The following MOK variants were observed in gnomAD, a reference collection of about 807,000 sequenced individuals.
MOK encodes MAPK/MAK/MRK overlapping kinase.
MOK carries 59 observed loss-of-function variants against 54.2 expected under a neutral mutation model. The ratio of observed to expected loss-of-function variants is 1.09; its 90% CI spans 0.88 to 1.35. The LOEUF is 1.35. MOK is among the 40% of genes most tolerant of loss of function. The probability of loss-of-function intolerance (pLI) is 0.00; values close to 1 mark genes in which losing one functional copy is unlikely to be tolerated. For missense variants in MOK, 517 were observed against 526.2 expected (o/e 0.98, Z 0.17); for synonymous variants, 210 against 202.7 (o/e 1.04, Z -0.31).
the MOK span, among the ~76,000 whole-genome samples, chr14:102,216,885 A>G: frequency 2.6e-5 from 4 of 152,190 alleles, no homozygotes; most frequent in South Asian, 8.3e-4. Flanking sequence ...ATGAGTCGAG[A>G]TGGCGCCACT....
intron 2 of MOK, among the ~76,000 whole-genome samples, chr14:102,266,148 G>A (rs2067886414): frequency 6.6e-6 from 1 of 152,078 alleles, no homozygotes; most frequent in African/African-American, 2.4e-5. Flanking sequence ...GATCCTGAAA[G>A]AATACTTGGT....
chr14:102,235,319 C>T lies in MOK; in HGVS notation c.591-1530G>A, dbSNP rs1386930850. On this transcript the variant is annotated intron_variant, in intron 7 of 11. Coordinates refer to ENST00000361847, the MANE Select transcript of MOK (RefSeq NM_014226.3). This position sits in a 1 kb window ranked among gnomAD's most constrained non-coding sequence, Gnocchi z 4.4. The stretch of plus-strand genomic sequence containing the variant: ...TCCAGGTTCTTCTCCGATCCCGACA[C>T]TTACATCAAATAATTTAAATATCTC... 2.0e-5 allele frequency: 3 copies of T among 152,272 alleles called. No homozygotes were observed. The highest frequency in any genetic ancestry group is 4.4e-5 in the Non-Finnish European group (3 of 68,052). The allele number at this position is 152,272 out of a possible 1,614,324, so 9.4% of individuals were successfully genotyped here.
chr14:102,301,366 C>G (rs949879761), intron 1 of MOK, among the ~76,000 whole-genome samples: 1 of 152,190 alleles, frequency 6.6e-6, no homozygotes, highest in Non-Finnish European at 1.5e-5. Context: ...ATCAACTGCA[C>G]TGTGTCACTC....
intron 2 of MOK, among the ~76,000 whole-genome samples, chr14:102,267,861 T>C (rs995694010): frequency 5.9e-5 from 9 of 151,514 alleles, no homozygotes; most frequent in Non-Finnish European, 1.0e-4. Flanking sequence ...TAGGGAGTGC[T>C]GAACAAGGGG....
rs2067446356 is a variant in MOK, at chr14:102,261,421, ATATATATATATATATATATATAT to A, written c.283+2102_283+2124del. On this transcript the variant is annotated intron_variant, in intron 4 of 11. Coordinates refer to ENST00000361847, the MANE Select transcript of MOK (RefSeq NM_014226.3). ...AAAAAAAAAAAAAAAAAAAAAAAAT[ATATATATATATATATATATATAT>A]ATATATATATATATTCTAAACAAAG... Among the ~76,000 whole-genome samples, 5 of 25,554 alleles carry A rather than the reference ATATATATATATATATATATATAT, an allele frequency of 2.0e-4. No homozygotes were observed. In the East Asian group the frequency reaches 3.7e-3, roughly 19 times the overall value. 16.8% of individuals were successfully genotyped at this position (25,554 alleles called of 152,430 possible).
At chr14:102,276,723 G>A (rs1373544294) in intron 2 of MOK, among the ~76,000 whole-genome samples, 5 of 151,322 alleles carry the variant, frequency 3.3e-5, no homozygotes, top group Admixed American at 1.3e-4. Context: ...CCCAGGAGGC[G>A]GAGGTTGTGG....
chr14:102,229,769 C>G (rs78843916), intron 10 of MOK, 112 bp from the exon 11 acceptor site: 39,078 of 999,546 alleles, frequency 0.039, 1,005 homozygotes, highest in African/African-American at 0.11. Flanking sequence ...ATTTCTTGAC[C>G]ATAAGATGTG....
Position 102,232,805 on chromosome 14 carries a change from G to A in MOK, c.693-97C>T. On this transcript the variant is annotated intron_variant, in intron 8 of 11. Transcript: ENST00000361847. The surrounding 1 kb of genome is among the most constrained non-coding windows in gnomAD (Gnocchi z 5.1). ...TAAGGGCCCTGTGTGGTGGGGAATG[G>A]TTTATGACTGCAGAGTCTACACCTG... 1 of 1,112,694 alleles carries A rather than the reference G, an allele frequency of 9.0e-7. No homozygotes were observed. The highest frequency in any genetic ancestry group is 1.3e-6 in the Non-Finnish European group (1 of 767,772). 68.9% of individuals were successfully genotyped at this position (1,112,694 alleles called of 1,614,324 possible).
At chr14:102,291,925 T>C (rs1343017883) in intron 1 of MOK, among the ~76,000 whole-genome samples, 1 of 150,984 alleles carries the variant, frequency 6.6e-6, no homozygotes, top group East Asian at 2.0e-4. Context: ...GCCACTGTAC[T>C]GAAGCCTGGG....
At chr14:102,256,490 C>T (rs773368942) in intron 4 of MOK, among the ~76,000 whole-genome samples, 11 of 151,704 alleles carry the variant, frequency 7.3e-5, no homozygotes, top group African/African-American at 2.2e-4. Flanking sequence ...AGGAGAATGG[C>T]GTGAACCCGG....
At chr14:102,275,798 C>T (rs2068810393) in intron 2 of MOK, among the ~76,000 whole-genome samples, 1 of 152,004 alleles carries the variant, frequency 6.6e-6, no homozygotes, top group Non-Finnish European at 1.5e-5. Context: ...GATAGGCAAA[C>T]CACAGACTTG....
At chr14:102,299,028 GAC>G (rs2071822490) in intron 1 of MOK, among the ~76,000 whole-genome samples, 1 of 152,144 alleles carries the variant, frequency 6.6e-6, no homozygotes, top group Admixed American at 6.5e-5. Context: ...ACAAACTCCA[GAC>G]ACACTGCTTT....
Position 102,229,284 on chromosome 14 carries a change from CTCAGTTA to C in MOK, c.1258_*4del. On this transcript the variant is annotated stop_lost and 3_prime_UTR_variant, in exon 12 of 12. Coordinates refer to ENST00000361847, the MANE Select transcript of MOK (RefSeq NM_014226.3). Reference sequence around the variant, plus strand: ...CTCCGAAGTCGAGACGACGGTGCTGCTCAGTTATCTTCCGCCTTTCCGCACTATGGTG... The same window carrying C: ...CTCCGAAGTCGAGACGACGGTGCTGCTCTTCCGCCTTTCCGCACTATGGTG... The C allele has an allele frequency of 6.3e-7, 1 of 1,594,314 alleles. No homozygotes were observed.
At chr14:102,221,025 C>G (rs1197691827), downstream of MOK, among the ~76,000 whole-genome samples, 1 of 152,228 alleles carries the variant, frequency 6.6e-6, no homozygotes, top group Non-Finnish European at 1.5e-5. This position sits in a 1 kb window ranked among gnomAD's most constrained non-coding sequence, Gnocchi z 4.8. Flanking sequence ...CCTCAGCCTC[C>G]CACAGGGCTG....
intron 2 of MOK, among the ~76,000 whole-genome samples, chr14:102,269,470 T>A (rs1465269781): frequency 7.5e-6 from 1 of 132,968 alleles, no homozygotes; most frequent in Non-Finnish European, 1.6e-5. Context: ...CACAACCAGC[T>A]TTTTTTTTTT....
At chr14:102,229,415 G>C (rs913441263) in intron 11 of MOK, 42 bp downstream of exon 11, 32 of 1,613,906 alleles carry the variant, frequency 2.0e-5, no homozygotes, top group Non-Finnish European at 2.7e-5. Context: ...GCCTGGGCTG[G>C]GTCGAAGAGC....
At chr14:102,256,050 G>A (rs914729101) in intron 4 of MOK, among the ~76,000 whole-genome samples, 21 of 152,128 alleles carry the variant, frequency 1.4e-4, no homozygotes, top group African/African-American at 4.8e-4. Flanking sequence ...CCCCTCCAGC[G>A]AGGGTGGAGA....
At chr14:102,291,377 T>C (rs771052819) in intron 1 of MOK, among the ~76,000 whole-genome samples, 6 of 152,172 alleles carry the variant, frequency 3.9e-5, no homozygotes, top group Non-Finnish European at 8.8e-5. Flanking sequence ...TAAAACCTCA[T>C]TAAGTAATTT....
rs753813055 is a variant in MOK, at chr14:102,304,957, C to T, written c.7+5G>A. ...GTCCCTGCCCCTTTCCCCGGCCCCA[C>T]TCACTCTTCATCTTGGATGCGGAAG... is the stretch of plus-strand genomic sequence containing the variant. On this transcript the variant is annotated splice_donor_5th_base_variant and intron_variant, in intron 1 of 11. Coordinates refer to ENST00000361847, the MANE Select transcript of MOK (RefSeq NM_014226.3). 1.9e-6 allele frequency: 3 copies of T among 1,609,790 alleles called. No individual in the cohort carries two copies. The highest frequency in any genetic ancestry group is 2.5e-6 in the Non-Finnish European group (3 of 1,178,428).
Sources: allele counts gnomAD v4.1 joint callset (sites outside exome capture counted in the v4.1 genomes callset), GRCh38; gene constraint gnomAD v4.1.1; non-coding constraint Gnocchi (gnomAD v3.1); transcripts MANE v1.5; gene names NCBI Gene and HGNC (gene_info 2026-07-23, HGNC 2026-07-21).